Variants in ABLIM2 observed in about 807,000 individuals in gnomAD.
ABLIM2 encodes actin binding LIM protein family member 2.
ABLIM2 carries 53 observed loss-of-function variants against 97.7 expected under a neutral mutation model. That is an observed-to-expected ratio of 0.54 (90% CI 0.44 to 0.68). ABLIM2 has a LOEUF of 0.68. Among genes scored for constraint, ABLIM2 ranks in the 30% least tolerant of loss-of-function variants. The pLI, the probability that ABLIM2 is intolerant of heterozygous loss-of-function variation, is 0.00. For missense variants in ABLIM2, 835 were observed against 867.2 expected (o/e 0.96, Z 0.47); for synonymous variants, 361 against 345.8 (o/e 1.04, Z -0.49).
rs548642856 is a variant in ABLIM2, at chr4:7,998,999, C to A, written c.1619-6072G>T. Among the ~76,000 whole-genome samples the A allele has an allele frequency of 8.5e-5, 13 of 152,312 alleles. No individual in the cohort carries two copies. In the East Asian group the frequency reaches 2.3e-3, roughly 27 times the overall value. ...TGAAGTTGGTCTCTGTTGGGGTGGA[C>A]CAGCAATCTGTAGATGTTAAAGGTC... On this transcript the variant is annotated intron_variant, in intron 16 of 20. Transcript: ENST00000447017. The surrounding 1 kb of genome is among the most constrained non-coding windows in gnomAD (Gnocchi z 6.4).
chr4:8,140,832 C>G lies in ABLIM2; in HGVS notation c.10+17848G>C, dbSNP rs1052179302. The stretch of plus-strand genomic sequence containing the variant: ...TCCTGAGTCAGGGTGGGGTTCAGGG[C>G]AGGGAGGTGGCTGCCAAGAAGAGCT... On this transcript the variant is annotated intron_variant, in intron 1 of 20. Transcript: ENST00000447017. This position sits in a 1 kb window ranked among gnomAD's most constrained non-coding sequence, Gnocchi z 5.9. 6.6e-6 allele frequency among the ~76,000 whole-genome samples: 1 copy of G among 152,118 alleles called. No individual in the cohort carries two copies. The highest frequency in any genetic ancestry group is 1.5e-5 in the Non-Finnish European group (1 of 68,016).
intron 14 of ABLIM2, among the ~76,000 whole-genome samples, chr4:8,018,671 A>G (rs1034745089): frequency 2.0e-5 from 3 of 152,238 alleles, no homozygotes; most frequent in Non-Finnish European, 4.4e-5. Context: ...GTCACAGGAA[A>G]CACACTTTTT....
chr4:7,983,616 G>A, intron 18 of ABLIM2, 62 bp from the exon 19 acceptor site: 1 of 1,595,200 alleles, frequency 6.3e-7, no homozygotes, highest in Non-Finnish European at 8.6e-7. Context: ...GTCGTCCAAG[G>A]TGAGTGCAAT....
intron 1 of ABLIM2, among the ~76,000 whole-genome samples, chr4:8,139,580 T>C (rs779017918): frequency 6.6e-6 from 1 of 152,176 alleles, no homozygotes; most frequent in Non-Finnish European, 1.5e-5. Context: ...AGAATGGCGA[T>C]TATTAAAAAG....
rs1772360690 is a variant in ABLIM2 at position 8,019,975 on chromosome 4, C to T, written c.1369+227G>A. ...ATTCCCAGGAGGACAGGTGTATCTC[C>T]CTGCCGTTTGTGGGAATTTGGAAGA... On this transcript the variant is annotated intron_variant, in intron 13 of 20. Coordinates refer to ENST00000447017, the MANE Select transcript of ABLIM2 (RefSeq NM_001130083.2). The surrounding 1 kb of genome is among the most constrained non-coding windows in gnomAD (Gnocchi z 4.3). 6.6e-6 allele frequency among the ~76,000 whole-genome samples: 1 copy of T among 152,174 alleles called. No homozygotes were observed. The highest frequency in any genetic ancestry group is 1.5e-5 in the Non-Finnish European group (1 of 68,034).
chr4:8,024,061 C>T (rs1775732470), intron 12 of ABLIM2, among the ~76,000 whole-genome samples: 1 of 152,222 alleles, frequency 6.6e-6, no homozygotes, highest in Non-Finnish European at 1.5e-5. Context: ...CCTTTTGCAG[C>T]TGAAGGAATG....
chr4:7,977,564 G>T (rs898313039), intron 20 of ABLIM2, among the ~76,000 whole-genome samples: 1 of 152,046 alleles, frequency 6.6e-6, no homozygotes, highest in Admixed American at 6.6e-5. Flanking sequence ...CTGAAGTGGG[G>T]GGATCACCAG....
Position 7,967,121 on chromosome 4 carries a change from A to G in ABLIM2, c.1825-18T>C, listed in dbSNP as rs751191494. The G allele has an allele frequency of 1.9e-6, 3 of 1,604,574 alleles. No homozygotes were observed. The South Asian group carries it at 3.3e-5, about 18-fold the overall frequency. On this transcript the variant is annotated intron_variant, in intron 20 of 20. Coordinates refer to ENST00000447017, the MANE Select transcript of ABLIM2 (RefSeq NM_001130083.2). ...AAGTGTCTCTTCAAACAAAAAGGCAAAACAGAAGGGACCAGTTAGCCACGC... is the reference window on the plus strand; with the variant it reads ...AAGTGTCTCTTCAAACAAAAAGGCAGAACAGAAGGGACCAGTTAGCCACGC...
At chr4:8,152,128 T>C (rs747760969) in intron 1 of ABLIM2, among the ~76,000 whole-genome samples, 1 of 151,962 alleles carries the variant, frequency 6.6e-6, no homozygotes, top group Admixed American at 6.5e-5. Context: ...AGAAGCGCCA[T>C]CATGATGCCC....
intron 1 of ABLIM2, among the ~76,000 whole-genome samples, chr4:8,116,783 T>A (rs1199014102): frequency 2.0e-5 from 3 of 151,620 alleles, no homozygotes; most frequent in African/African-American, 7.3e-5. Flanking sequence ...ATAACACAGA[T>A]CACAGCAGCT....
chr4:8,103,441 G>A (rs542966079), intron 2 of ABLIM2, among the ~76,000 whole-genome samples: 15 of 152,366 alleles, frequency 9.8e-5, no homozygotes, highest in Non-Finnish European at 1.9e-4. Flanking sequence ...CCAGGAGAAG[G>A]GGTGGTCACT....
intron 9 of ABLIM2, among the ~76,000 whole-genome samples, chr4:8,040,428 T>C (rs1202495062): frequency 6.6e-6 from 1 of 151,990 alleles, no homozygotes; most frequent in Non-Finnish European, 1.5e-5. Context: ...CTGGCCAACA[T>C]GGTGAGACCC....
intron 8 of ABLIM2, among the ~76,000 whole-genome samples, chr4:8,050,499 G>C (rs573602767): frequency 1.1e-4 from 17 of 152,308 alleles, no homozygotes; most frequent in African/African-American, 3.8e-4. Flanking sequence ...AGTCCCCCAG[G>C]AGCTGGCACA....
chr4:8,146,776 C>T (rs1470354727), intron 1 of ABLIM2, among the ~76,000 whole-genome samples: 1 of 152,208 alleles, frequency 6.6e-6, no homozygotes, highest in Non-Finnish European at 1.5e-5. Flanking sequence ...GTGATCTGTC[C>T]ACCTTGGCCT....
chr4:8,028,787 C>T (rs1779063649), intron 11 of ABLIM2, among the ~76,000 whole-genome samples: 1 of 152,236 alleles, frequency 6.6e-6, no homozygotes. Flanking sequence ...ACTCCTTTAC[C>T]CACTTTCTCA....
intron 4 of ABLIM2, among the ~76,000 whole-genome samples, chr4:8,086,462 C>A (rs1823725587): frequency 6.6e-6 from 1 of 151,736 alleles, no homozygotes; most frequent in Non-Finnish European, 1.5e-5. Context: ...ATTCTCCTGC[C>A]TCGGCATCCT....
intron 3 of ABLIM2, among the ~76,000 whole-genome samples, chr4:8,091,068 T>C (rs10938685): frequency 0.44 from 65,794 of 150,152 alleles, 15,364 homozygotes; most frequent in African/African-American, 0.59. Context: ...TCCATGGCCG[T>C]TGTGCCATTC....
intron 9 of ABLIM2, 55 bp downstream of exon 9, chr4:8,045,109 C>A (rs1791447023): frequency 6.5e-7 from 1 of 1,530,122 alleles, no homozygotes; most frequent in Non-Finnish European, 9.1e-7. Context: ...GCCACCGGGC[C>A]CCCCTTCTCT....
In ABLIM2 at chr4:8,128,024, G is replaced by A. The variant is rs1180994356; in HGVS notation, c.11-21387C>T. On this transcript the variant is annotated intron_variant, in intron 1 of 20. Transcript: ENST00000447017. The surrounding 1 kb of genome is among the most constrained non-coding windows in gnomAD (Gnocchi z 4.9). The stretch of plus-strand genomic sequence containing the variant: ...AGATACGGATTCTCTCGCAGTTCTG[G>A]GGGCCAGAAGTCTGACATGAAGGTG... Among the ~76,000 whole-genome samples, 1 of 152,186 alleles carries A rather than the reference G, an allele frequency of 6.6e-6. No individual in the cohort carries two copies. The highest frequency in any genetic ancestry group is 6.5e-5 in the Admixed American group (1 of 15,276).
Sources: allele counts gnomAD v4.1 joint callset (sites outside exome capture counted in the v4.1 genomes callset), GRCh38; gene constraint gnomAD v4.1.1; non-coding constraint Gnocchi (gnomAD v3.1); transcripts MANE v1.5; gene names NCBI Gene and HGNC (gene_info 2026-07-23, HGNC 2026-07-21).